The following LRRC8B variants were observed in gnomAD, a reference collection of about 807,000 sequenced individuals.
LRRC8B encodes leucine rich repeat containing 8 VRAC subunit B.
Under a neutral mutation model 58.8 loss-of-function variants are expected in LRRC8B, and 23 were observed. The ratio of observed to expected loss-of-function variants is 0.39; its 90% CI spans 0.28 to 0.55. LRRC8B has a LOEUF of 0.55. LRRC8B is among the 20% of genes least tolerant of loss of function. The pLI, the probability that LRRC8B is intolerant of heterozygous loss-of-function variation, is 0.62. For synonymous variants in LRRC8B, 359 were observed against 374.1 expected, an observed-to-expected ratio of 0.96 and a Z score of 0.47; for missense variants, 694 against 936.0, an observed-to-expected ratio of 0.74 and a Z score of 3.37.
Position 89,539,963 on chromosome 1 carries a change from A to G in LRRC8B, c.-241+14941A>G, listed in dbSNP as rs115388270. On this transcript the variant is annotated intron_variant, in intron 1 of 5. Transcript: ENST00000330947. ...AATTATAATTAAATATTCAGCAGAT[A>G]TTGTGAAAGTTAGCTTTCCATAAGA... is the stretch of plus-strand genomic sequence containing the variant. Among the ~76,000 whole-genome samples, 125 of 152,272 alleles carry G rather than the reference A, an allele frequency of 8.2e-4. 1 individual carries two copies. The highest frequency in any genetic ancestry group is 2.9e-3 in the African/African-American group (121 of 41,554).
rs997411604 is a variant in LRRC8B, at chr1:89,596,145, C to G, written c.*3102C>G. On this transcript the variant is annotated 3_prime_UTR_variant, in exon 6 of 6. Coordinates refer to ENST00000330947, the MANE Select transcript of LRRC8B (RefSeq NM_001369817.2). ...TCATTAATCATGAAGTGCTCTGTTC[C>G]CTAAGTTATGACATTTAGAAGAAAT... The G allele has an allele frequency of 2.0e-5, 3 of 151,812 alleles. No individual in the cohort carries two copies. Among genetic ancestry groups the G allele is most frequent in the African/African-American group, 7.3e-5 (3 of 41,344 alleles). 9.4% of individuals were successfully genotyped at this position (151,812 alleles called of 1,614,324 possible).
chr1:89,582,288 A>G (rs890412660), intron 4 of LRRC8B, among the ~76,000 whole-genome samples: 3 of 152,192 alleles, frequency 2.0e-5, no homozygotes, highest in Non-Finnish European at 4.4e-5. Flanking sequence ...TTCAAATGTC[A>G]GTTGAAGAAA....
At chr1:89,540,021 C>G (rs1181285259) in intron 1 of LRRC8B, among the ~76,000 whole-genome samples, 1 of 152,130 alleles carries the variant, frequency 6.6e-6, no homozygotes, top group Non-Finnish European at 1.5e-5. Context: ...TTGTTTTTAA[C>G]CTTCTACATG....
rs916827695 is a variant in LRRC8B at position 89,596,045 on chromosome 1, A to C, written c.*3002A>C. The C allele has an allele frequency of 1.3e-5, 2 of 152,088 alleles. No homozygotes were observed. Among genetic ancestry groups the C allele is most frequent in the African/African-American group, 4.8e-5 (2 of 41,434 alleles). The allele number at this position is 152,088 out of a possible 1,614,324, so 9.4% of individuals were successfully genotyped here. On this transcript the variant is annotated 3_prime_UTR_variant, in exon 6 of 6. Transcript: ENST00000330947. ...ATGCAAATTATAGCATTAGTTTTTG[A>C]TATATCTAGTGGTTTTTTTTTCAAA... is the stretch of plus-strand genomic sequence containing the variant.
chr1:89,558,473 T>C (rs1290741263), intron 1 of LRRC8B, among the ~76,000 whole-genome samples: 1 of 151,996 alleles, frequency 6.6e-6, no homozygotes, highest in African/African-American at 2.4e-5. Flanking sequence ...GAAATGGGAC[T>C]AAGGAGGGCA....
chr1:89,563,319 T>A (rs1263203131), intron 1 of LRRC8B, among the ~76,000 whole-genome samples: 1 of 152,186 alleles, frequency 6.6e-6, no homozygotes, highest in African/African-American at 2.4e-5. Flanking sequence ...CGTGACCCTC[T>A]GCTTGGGTGA....
At chr1:89,588,365 G>A (rs370841930) in intron 5 of LRRC8B, among the ~76,000 whole-genome samples, 5 of 152,344 alleles carry the variant, frequency 3.3e-5, no homozygotes, top group South Asian at 4.1e-4. Context: ...TCCAAGGAGA[G>A]ATGGTATGCA....
chr1:89,590,133 G>A (rs1016153371), intron 5 of LRRC8B, among the ~76,000 whole-genome samples: 3 of 152,110 alleles, frequency 2.0e-5, no homozygotes, highest in Non-Finnish European at 4.4e-5. Flanking sequence ...GAAGAAATCA[G>A]TGATCCACTA....
At chr1:89,586,036 GGA>G (rs1394941487) in intron 5 of LRRC8B, among the ~76,000 whole-genome samples, 1 of 152,120 alleles carries the variant, frequency 6.6e-6, no homozygotes, top group East Asian at 1.9e-4. Context: ...ATATGTAAAA[GGA>G]GAGAGTCCAT....
At chr1:89,561,874 C>T (rs1379426416) in intron 1 of LRRC8B, among the ~76,000 whole-genome samples, 1 of 151,890 alleles carries the variant, frequency 6.6e-6, no homozygotes, top group Non-Finnish European at 1.5e-5. Context: ...AATGCGGGCT[C>T]TTTTTTGGTT....
chr1:89,538,663 A>G (rs1221639934), intron 1 of LRRC8B, among the ~76,000 whole-genome samples: 2 of 152,182 alleles, frequency 1.3e-5, no homozygotes, highest in Non-Finnish European at 2.9e-5. Flanking sequence ...TGAGTATGTC[A>G]TTTCCAAAAC....
intron 1 of LRRC8B, among the ~76,000 whole-genome samples, chr1:89,560,247 T>G (rs1652520925): frequency 6.6e-6 from 1 of 152,134 alleles, no homozygotes; most frequent in Non-Finnish European, 1.5e-5. Context: ...TCAGTAATGG[T>G]TACTTTCCTT....
In LRRC8B at chr1:89,584,615, A is replaced by G; in HGVS notation, c.1965A>G (p.Leu655=). Residue 655 remains leucine (L), a synonymous_variant, in exon 5 of 6, where the codon TTA becomes TTG. Transcript: ENST00000330947. ...ATATTCCTGCACAGATTGGGGCATT[A>G]TCTAACCTAGAGCAGCTCTCTTTGG... The part of the protein sequence containing the change: ...IAYIPAQIGA[L]SNLEQLSLDH... 4 of 1,614,154 alleles carry G rather than the reference A, an allele frequency of 2.5e-6. No individual in the cohort carries two copies. The highest frequency in any genetic ancestry group is 1.1e-5 in the South Asian group (1 of 91,084).
intron 1 of LRRC8B, among the ~76,000 whole-genome samples, chr1:89,535,610 C>T (rs1325249361): frequency 6.6e-6 from 1 of 152,020 alleles, no homozygotes; most frequent in Non-Finnish European, 1.5e-5. Flanking sequence ...ATTTAATTAC[C>T]GTCATCCATT....
chr1:89,552,165 A>G (rs1455271795), intron 1 of LRRC8B, among the ~76,000 whole-genome samples: 1 of 152,170 alleles, frequency 6.6e-6, no homozygotes, highest in East Asian at 1.9e-4. Context: ...TCTTATTTAG[A>G]TTGCTAGGAC....
In LRRC8B at chr1:89,592,959, C is replaced by T. The variant is rs374160584; in HGVS notation, c.2328C>T (p.Asn776=). The T allele has an allele frequency of 1.9e-6, 3 of 1,614,032 alleles. No individual in the cohort carries two copies. Among genetic ancestry groups the T allele is most frequent in the Non-Finnish European group, 2.5e-6 (3 of 1,179,998 alleles). The change falls in exon 6 of 6, where the codon AAC becomes AAT. Residue 776 remains asparagine, a synonymous_variant. Transcript: ENST00000330947. ...ELEGCQSLKR[N]CLIVEENLLN... ...AAGGATGTCAGTCCCTAAAACGGAACTGTCTGATTGTTGAGGAGAACTTGC... is the reference window on the plus strand; with the variant it reads ...AAGGATGTCAGTCCCTAAAACGGAATTGTCTGATTGTTGAGGAGAACTTGC...
rs569225148 is a variant in LRRC8B at position 89,546,152 on chromosome 1, G to C, written c.-241+21130G>C. 6.7e-4 allele frequency among the ~76,000 whole-genome samples: 102 copies of C among 152,236 alleles called. 1 individual carries two copies. Among genetic ancestry groups the C allele is most frequent in the African/African-American group, 2.4e-3 (99 of 41,534 alleles). ...ATCAGAATAGAGAGCATGTTCAAAG[G>C]CATAGTAGGAAGGGTTGGAAAAGCG... On this transcript the variant is annotated intron_variant, in intron 1 of 5. Transcript: ENST00000330947.
intron 1 of LRRC8B, among the ~76,000 whole-genome samples, chr1:89,565,150 C>G (rs1652959007): frequency 6.6e-6 from 1 of 152,136 alleles, no homozygotes; most frequent in African/African-American, 2.4e-5. Context: ...AAGGTCTTTG[C>G]CCTCCAGAGT....
intron 3 of LRRC8B, among the ~76,000 whole-genome samples, chr1:89,569,100 A>G (rs1440185087): frequency 6.6e-6 from 1 of 152,104 alleles, no homozygotes. Flanking sequence ...AAATAGCACA[A>G]CTCTCTGATG....
Sources: allele counts gnomAD v4.1 joint callset (sites outside exome capture counted in the v4.1 genomes callset), GRCh38; gene constraint gnomAD v4.1.1; transcripts MANE v1.5; gene names NCBI Gene and HGNC (gene_info 2026-07-23, HGNC 2026-07-21).